ZDHHC20: variants seen among roughly 807,000 people sequenced by gnomAD.
The protein encoded by ZDHHC20 is zDHHC palmitoyltransferase 20, also known as palmitoyltransferase ZDHHC20.
Under a neutral mutation model 57.8 loss-of-function variants are expected in ZDHHC20, and 43 were observed. The observed-to-expected ratio is 0.74, with a 90% CI of 0.58 to 0.96. ZDHHC20 has a LOEUF of 0.96. Ranked by LOEUF, ZDHHC20 falls within the 40% of genes least tolerant of loss-of-function variation. The pLI, the probability that ZDHHC20 is intolerant of heterozygous loss-of-function variation, is 0.00. For synonymous variants in ZDHHC20, 157 were observed against 153.0 expected (o/e 1.03, Z -0.19); for missense variants, 391 against 441.1 (o/e 0.89, Z 1.02).
In ZDHHC20 at chr13:21,413,564, T is replaced by G. The variant is rs184017866; in HGVS notation, c.370+88A>C. The G allele has an allele frequency of 1.3e-3, 1,673 of 1,265,194 alleles. 13 individuals are homozygous for G. In the African/African-American group the frequency reaches 0.022, roughly 16 times the overall value. 78.4% of individuals were successfully genotyped at this position (1,265,194 alleles called of 1,614,324 possible). ...TATTTATGGCAATCATAGTATCCAT[T>G]TAATAGTCAAACCATGCAAATATAT... On this transcript the variant is annotated intron_variant, in intron 4 of 12. Transcript: ENST00000400590.
chr13:21,382,038 A>G, intron 10 of ZDHHC20: 1 of 442,806 alleles, frequency 2.3e-6, no homozygotes. Context: ...GGAAAGGAAG[A>G]GGAAAAGGAA....
At chr13:21,425,784 C>T in intron 1 of ZDHHC20, 106 bp from the exon 2 acceptor site, 1 of 768,422 alleles carries the variant, frequency 1.3e-6, no homozygotes, top group Non-Finnish European at 1.8e-6. Flanking sequence ...AAAAAATAAA[C>T]TTTAGTTATA....
At chr13:21,443,250 C>T (rs1279903984) in intron 1 of ZDHHC20, among the ~76,000 whole-genome samples, 3 of 152,090 alleles carry the variant, frequency 2.0e-5, no homozygotes, top group Non-Finnish European at 4.4e-5. Flanking sequence ...AGGCTGCCAT[C>T]TCAAGTCATA....
chr13:21,446,569 CAAATTTTTTTT>C (rs1883724294), intron 1 of ZDHHC20, among the ~76,000 whole-genome samples: 1 of 152,070 alleles, frequency 6.6e-6, no homozygotes, highest in East Asian at 1.9e-4. Flanking sequence ...GTTTTAAAAC[CAAATTTTTTTT>C]AAATTTTATT....
chr13:21,444,104 T>G (rs963323428), intron 1 of ZDHHC20, among the ~76,000 whole-genome samples: 2 of 152,104 alleles, frequency 1.3e-5, no homozygotes, highest in African/African-American at 2.4e-5. Context: ...TGCAGGGAGC[T>G]GAGATTGTGC....
intron 9 of ZDHHC20, among the ~76,000 whole-genome samples, chr13:21,383,342 T>A (rs992707071): frequency 5.9e-5 from 9 of 151,944 alleles, no homozygotes; most frequent in African/African-American, 1.7e-4. Flanking sequence ...TAAACGGGAG[T>A]TCCCCTGGCA....
At chr13:21,440,527 C>T (rs116478838) in intron 1 of ZDHHC20, among the ~76,000 whole-genome samples, 5,241 of 152,160 alleles carry the variant, frequency 0.034, 279 homozygotes, top group African/African-American at 0.11. Flanking sequence ...ACAAGAATCA[C>T]TTCAATCCGG....
chr13:21,423,839 T>G (rs953032033), intron 2 of ZDHHC20, among the ~76,000 whole-genome samples: 12 of 152,010 alleles, frequency 7.9e-5, no homozygotes, highest in African/African-American at 2.7e-4. Context: ...ATCTTCACTT[T>G]GCTTACTTCC....
At chr13:21,447,246 G>GT (rs397973403) in intron 1 of ZDHHC20, among the ~76,000 whole-genome samples, 2 of 22 alleles carry the variant, frequency 0.091, no homozygotes, top group Non-Finnish European at 0.17. Flanking sequence ...CCGAGGACTC[G>GT]TCCCAGTTTG....
rs570614297 is a variant in ZDHHC20, at chr13:21,425,334, A to T, written c.145+318T>A. Among the ~76,000 whole-genome samples the T allele has an allele frequency of 2.0e-5, 3 of 152,282 alleles. No homozygotes were observed. In the South Asian group the frequency reaches 6.2e-4, roughly 32 times the overall value. ...CCTCAACCTAGCTAGAACTCATATT[A>T]AAAAAATCTAAATAAAAAGTTTTGA... On this transcript the variant is annotated intron_variant, in intron 2 of 12. Coordinates refer to ENST00000400590, the MANE Select transcript of ZDHHC20 (RefSeq NM_001330059.2).
chr13:21,451,898 G>A (rs1489481976), intron 1 of ZDHHC20, among the ~76,000 whole-genome samples: 2 of 151,860 alleles, frequency 1.3e-5, no homozygotes, highest in African/African-American at 4.8e-5. Flanking sequence ...AGAGGCTGAG[G>A]CAGGAGAATC....
At chr13:21,448,206 C>G (rs1883996048) in intron 1 of ZDHHC20, among the ~76,000 whole-genome samples, 1 of 95,032 alleles carries the variant, frequency 1.1e-5, no homozygotes. Flanking sequence ...GGGTCAGCCC[C>G]CCGCCCGGCC....
intron 8 of ZDHHC20, among the ~76,000 whole-genome samples, chr13:21,388,560 C>G (rs1875031764): frequency 6.6e-6 from 1 of 152,010 alleles, no homozygotes; most frequent in African/African-American, 2.4e-5. Context: ...ACTTGTGACT[C>G]CTTCTAATTT....
intron 1 of ZDHHC20, among the ~76,000 whole-genome samples, chr13:21,447,248 C>A (rs1883810918): frequency 7.1e-6 from 1 of 141,802 alleles, no homozygotes; most frequent in African/African-American, 2.6e-5. Context: ...GAGGACTCGT[C>A]CCAGTTTGGA....
intron 1 of ZDHHC20, among the ~76,000 whole-genome samples, chr13:21,457,579 A>G (rs527639776): frequency 6.6e-6 from 1 of 152,358 alleles, no homozygotes; most frequent in South Asian, 2.1e-4. Flanking sequence ...TTGGAAATGT[A>G]TTCCACAACT....
At chr13:21,387,447 A>C in intron 9 of ZDHHC20, 61 bp downstream of exon 9, 1 of 1,303,982 alleles carries the variant, frequency 7.7e-7, no homozygotes, top group South Asian at 2.2e-5. Flanking sequence ...GAAGACATTT[A>C]ACCAGAAAAA....
intron 4 of ZDHHC20, among the ~76,000 whole-genome samples, chr13:21,409,559 A>G (rs1230015657): frequency 6.6e-6 from 1 of 151,862 alleles, no homozygotes; most frequent in Non-Finnish European, 1.5e-5. Context: ...AAAGAGTCCC[A>G]TATTTCTTGG....
chr13:21,406,524 T>C (rs1878467410), intron 4 of ZDHHC20, among the ~76,000 whole-genome samples: 2 of 152,212 alleles, frequency 1.3e-5, no homozygotes, highest in East Asian at 3.9e-4. Flanking sequence ...CCTAATGCTA[T>C]CCCTCCCCTT....
chr13:21,379,860 G>A (rs1316730202), intron 11 of ZDHHC20, among the ~76,000 whole-genome samples: 1 of 139,162 alleles, frequency 7.2e-6, no homozygotes, highest in African/African-American at 2.7e-5. Context: ...TGTCGCCCAG[G>A]CTGGGGTGCA....
Sources: allele counts gnomAD v4.1 joint callset (sites outside exome capture counted in the v4.1 genomes callset), GRCh38; gene constraint gnomAD v4.1.1; transcripts MANE v1.5; gene names NCBI Gene and HGNC (gene_info 2026-07-23, HGNC 2026-07-21).